The following APPBP2 variants were observed in gnomAD, a reference collection of about 807,000 sequenced individuals.
APPBP2 encodes amyloid beta precursor protein binding protein 2, also known as amyloid protein-binding protein 2.
Under a neutral mutation model 76.0 loss-of-function variants are expected in APPBP2, and 15 were observed. The ratio of observed to expected loss-of-function variants is 0.20; its 90% CI spans 0.13 to 0.30. The LOEUF (loss-of-function observed/expected upper bound fraction) is 0.30. Ranked by LOEUF, APPBP2 falls within the 10% of genes least tolerant of loss-of-function variation. The pLI is 1.00. For missense variants in APPBP2, 401 were observed against 687.2 expected (o/e 0.58, Z 4.66); for synonymous variants, 222 against 242.2 (o/e 0.92, Z 0.77).
chr17:60,471,318 C>T (rs188410212), intron 4 of APPBP2, among the ~76,000 whole-genome samples: 2 of 152,066 alleles, frequency 1.3e-5, no homozygotes, highest in Non-Finnish European at 2.9e-5. Context: ...TTTTTCTTGT[C>T]GAATTTCTTC....
intron 1 of APPBP2, among the ~76,000 whole-genome samples, chr17:60,515,949 G>A (rs1454452194): frequency 6.6e-6 from 1 of 152,190 alleles, no homozygotes; most frequent in African/African-American, 2.4e-5. Context: ...CAGATCACTT[G>A]AGGTCAGGAG....
chr17:60,499,255 C>A (rs1205985194), intron 2 of APPBP2, among the ~76,000 whole-genome samples: 1 of 150,998 alleles, frequency 6.6e-6, no homozygotes, highest in Admixed American at 6.6e-5. Flanking sequence ...GGCTTTGAGC[C>A]AAGGAGAGTT....
At chr17:60,509,575 G>T (rs900730087) in intron 1 of APPBP2, among the ~76,000 whole-genome samples, 1 of 152,126 alleles carries the variant, frequency 6.6e-6, no homozygotes, top group Non-Finnish European at 1.5e-5. Context: ...GGCCTAGGCA[G>T]GCGGATCACC....
chr17:60,519,928 C>T (rs112490483), intron 1 of APPBP2, among the ~76,000 whole-genome samples: 105 of 151,920 alleles, frequency 6.9e-4, no homozygotes, highest in African/African-American at 2.3e-3. Context: ...AGACTACAGG[C>T]ATGCAACACC....
chr17:60,466,221 A>G, intron 5 of APPBP2, 70 bp downstream of exon 5: 2 of 1,378,560 alleles, frequency 1.5e-6, no homozygotes, highest in Non-Finnish European at 2.0e-6. Flanking sequence ...ATAAGAGAAG[A>G]CTATTTGATT....
rs2090327567 is a variant in APPBP2 at position 60,444,278 on chromosome 17, A to C, written c.*3303T>G. 6.6e-6 allele frequency: 1 copy of C among 152,614 alleles called. No homozygotes were observed. The highest frequency in any genetic ancestry group is 6.5e-5 in the Admixed American group (1 of 15,282). 9.5% of individuals were successfully genotyped at this position (152,614 alleles called of 1,614,324 possible). On this transcript the variant is annotated 3_prime_UTR_variant, in exon 13 of 13. Transcript: ENST00000083182. ...TAACTTTGCCACCCAGAAGAAAAGCAAGCAGCAAGGCTACAAATTCTAGGG... is the reference window on the plus strand; with the variant it reads ...TAACTTTGCCACCCAGAAGAAAAGCCAGCAGCAAGGCTACAAATTCTAGGG...
At chr17:60,501,264 T>C (rs951264558) in intron 1 of APPBP2, among the ~76,000 whole-genome samples, 7 of 152,084 alleles carry the variant, frequency 4.6e-5, no homozygotes, top group African/African-American at 1.4e-4. Context: ...CTGGGCAACA[T>C]AGTGACACCC....
chr17:60,513,305 T>C (rs1244507477), intron 1 of APPBP2: 3 of 546,614 alleles, frequency 5.5e-6, no homozygotes, highest in Non-Finnish European at 3.4e-6. Flanking sequence ...TTGGGAAATA[T>C]GGACCTATTC....
intron 4 of APPBP2, among the ~76,000 whole-genome samples, chr17:60,466,852 G>T (rs745503472): frequency 6.6e-6 from 1 of 151,954 alleles, no homozygotes; most frequent in Non-Finnish European, 1.5e-5. Flanking sequence ...CTTATTTTTG[G>T]TATAGTCTAA....
chr17:60,463,672 T>C (rs1305905353), intron 6 of APPBP2, among the ~76,000 whole-genome samples: 2 of 152,140 alleles, frequency 1.3e-5, no homozygotes, highest in Admixed American at 6.6e-5. Context: ...TCACAGGATT[T>C]TGGCATAAGG....
At chr17:60,494,372 T>G (rs1028758590) in intron 3 of APPBP2, 94 bp downstream of exon 3, 18 of 1,412,812 alleles carry the variant, frequency 1.3e-5, no homozygotes, top group Non-Finnish European at 1.7e-5. Flanking sequence ...CCTTCTTACG[T>G]AGACTTTGGG....
chr17:60,509,251 G>A (rs1193906982), intron 1 of APPBP2, among the ~76,000 whole-genome samples: 1 of 151,994 alleles, frequency 6.6e-6, no homozygotes, highest in African/African-American at 2.4e-5. Context: ...ATGGTGGTGT[G>A]TGCCTGTAGT....
At chr17:60,523,301 C>T (rs2091025196) in intron 1 of APPBP2, among the ~76,000 whole-genome samples, 1 of 151,268 alleles carries the variant, frequency 6.6e-6, no homozygotes, top group South Asian at 2.1e-4. Context: ...CCAGCCTGGG[C>T]AATATATCAA....
intron 4 of APPBP2, among the ~76,000 whole-genome samples, chr17:60,466,948 G>A (rs1291983700): frequency 6.6e-6 from 1 of 152,244 alleles, no homozygotes; most frequent in East Asian, 1.9e-4. Flanking sequence ...TAGCAGTAGT[G>A]TCAACTATTT....
At chr17:60,479,028 G>T in intron 4 of APPBP2, 120 bp downstream of exon 4, 1 of 961,922 alleles carries the variant, frequency 1.0e-6, no homozygotes. Context: ...GTGAAACTAT[G>T]ACATATAAAT....
At chr17:60,487,261 G>A (rs1447158243) in intron 3 of APPBP2, among the ~76,000 whole-genome samples, 4 of 152,136 alleles carry the variant, frequency 2.6e-5, no homozygotes, top group African/African-American at 9.7e-5. Flanking sequence ...GGTTGGGGAA[G>A]TTCTCCTGGA....
chr17:60,494,828 A>C (rs1332719400), intron 2 of APPBP2, among the ~76,000 whole-genome samples: 1 of 152,182 alleles, frequency 6.6e-6, no homozygotes, highest in Non-Finnish European at 1.5e-5. Context: ...TACAACATTC[A>C]GGAAAAGTAC....
chr17:60,472,325 T>A (rs1187235814), intron 4 of APPBP2, among the ~76,000 whole-genome samples: 1 of 152,192 alleles, frequency 6.6e-6, no homozygotes. Context: ...GATTATGGAT[T>A]TAATTTATTT....
At chr17:60,466,214 A>C in intron 5 of APPBP2, 77 bp downstream of exon 5, 1 of 1,345,974 alleles carries the variant, frequency 7.4e-7, no homozygotes, top group Middle Eastern at 1.9e-4. Flanking sequence ...AAGAAAAATA[A>C]GAGAAGACTA....
Sources: gnomAD v4.1 joint callset for allele counts (sites outside exome capture counted in the v4.1 genomes callset) on GRCh38, gnomAD v4.1.1 for gene constraint, MANE v1.5 for transcripts, NCBI Gene and HGNC (gene_info 2026-07-23, HGNC 2026-07-21) for gene names.